The following MYO16 variants were observed in gnomAD, a reference collection of about 807,000 sequenced individuals.
The protein encoded by MYO16 is unconventional myosin-XVI.
Under a neutral mutation model 205.3 loss-of-function variants are expected in MYO16, and 94 were observed. The ratio of observed to expected loss-of-function variants is 0.46; its 90% CI spans 0.39 to 0.54. MYO16 has a LOEUF of 0.54. Among genes scored for constraint, MYO16 ranks in the 20% least tolerant of loss-of-function variants. MYO16 has a pLI of 0.00. For missense variants in MYO16, 2,315 were observed against 2,387.5 expected, an observed-to-expected ratio of 0.97 and a Z score of 0.63; for synonymous variants, 988 against 954.0, an observed-to-expected ratio of 1.04 and a Z score of -0.66.
At chr13:108,860,634 A>G (rs1186660081) in intron 11 of MYO16, among the ~76,000 whole-genome samples, 3 of 152,184 alleles carry the variant, frequency 2.0e-5, no homozygotes, top group Non-Finnish European at 4.4e-5. Flanking sequence ...ACAACAGTGT[A>G]CTGCTGCACA....
chr13:108,688,758 A>G (rs1429513535), intron 2 of MYO16, among the ~76,000 whole-genome samples: 3 of 152,194 alleles, frequency 2.0e-5, no homozygotes, highest in Non-Finnish European at 4.4e-5. Flanking sequence ...AGTTGTATAA[A>G]TTTATTAAAG....
intron 3 of MYO16, among the ~76,000 whole-genome samples, chr13:108,718,293 C>G (rs1884027220): frequency 6.6e-6 from 1 of 152,068 alleles, no homozygotes; most frequent in Non-Finnish European, 1.5e-5. Flanking sequence ...CCTGCCCACC[C>G]ACCTGGACAT....
In MYO16 at chr13:108,961,481, G is replaced by A. The variant is rs999701489; in HGVS notation, c.2038-58G>A. On this transcript the variant is annotated intron_variant, in intron 17 of 34. Coordinates refer to ENST00000457511, the MANE Select transcript of MYO16 (RefSeq NM_001198950.3). ...TTACTTTTAGATATTTAAAAATTTT[G>A]CCTTTTAATCTTTCTTCTAAGCACC... 5.8e-6 allele frequency: 8 copies of A among 1,370,370 alleles called. No homozygotes were observed. In the African/African-American group the frequency reaches 1.2e-4, roughly 20 times the overall value. 84.9% of individuals were successfully genotyped at this position (1,370,370 alleles called of 1,614,324 possible).
In MYO16 at chr13:108,795,444, G is replaced by A. The variant is rs138092182; in HGVS notation, c.741+1804G>A. 2.3e-3 allele frequency among the ~76,000 whole-genome samples: 346 copies of A among 152,144 alleles called. 1 individual carries two copies. Among genetic ancestry groups the A allele is most frequent in the African/African-American group, 7.8e-3 (325 of 41,534 alleles). ...AGGCTGGTCTCGATCTTCTGACCTC[G>A]TGATCCGCCCGCCTTGGCCTCCCAA... On this transcript the variant is annotated intron_variant, in intron 6 of 34. Transcript: ENST00000457511.
chr13:108,726,245 A>G (rs1403992619), intron 3 of MYO16, among the ~76,000 whole-genome samples: 1 of 152,232 alleles, frequency 6.6e-6, no homozygotes, highest in African/African-American at 2.4e-5. Context: ...AGCATTATGT[A>G]ACTTATAGAT....
At chr13:108,555,728 A>G in the MYO16 span, among the ~76,000 whole-genome samples, 38 of 152,144 alleles carry the variant, frequency 2.5e-4, no homozygotes, top group Admixed American at 2.0e-4. Context: ...GTTTTGACTG[A>G]CATCCTCCCA....
Position 108,663,366 on chromosome 13 carries a change from A to G in MYO16, c.29-2520A>G, listed in dbSNP as rs544241718. On this transcript the variant is annotated intron_variant, in intron 1 of 34. Coordinates refer to ENST00000457511, the MANE Select transcript of MYO16 (RefSeq NM_001198950.3). ...TTATATATCTTATCGATTCATAGAC[A>G]TATACGTACATGACACAGCTGACCC... Among the ~76,000 whole-genome samples the G allele has an allele frequency of 1.4e-3, 216 of 152,118 alleles. 1 individual carries two copies. Among genetic ancestry groups the G allele is most frequent in the Non-Finnish European group, 2.8e-3 (188 of 68,010 alleles).
chr13:108,752,523 G>A (rs113758438), intron 4 of MYO16, among the ~76,000 whole-genome samples: 1 of 152,176 alleles, frequency 6.6e-6, no homozygotes, highest in Non-Finnish European at 1.5e-5. Flanking sequence ...GAAATCCTAA[G>A]AGACATTTCA....
chr13:108,637,163 A>T (rs1275887391), intron 1 of MYO16, among the ~76,000 whole-genome samples: 1 of 152,198 alleles, frequency 6.6e-6, no homozygotes, highest in East Asian at 1.9e-4. Context: ...TTTGACTTTT[A>T]TACAGACTTC....
At chr13:108,545,099 T>C in the MYO16 span, among the ~76,000 whole-genome samples, 1 of 152,092 alleles carries the variant, frequency 6.6e-6, no homozygotes, top group African/African-American at 2.4e-5. Flanking sequence ...GATTATTTTG[T>C]CCCCCAGGTA....
At chr13:108,994,194 A>T (rs1884928996) in intron 21 of MYO16, among the ~76,000 whole-genome samples, 3 of 152,240 alleles carry the variant, frequency 2.0e-5, no homozygotes, top group Admixed American at 2.0e-4. Context: ...TATAATAGTA[A>T]TGGCATTTTT....
At chr13:108,721,944 G>A (rs2139572457) in intron 3 of MYO16, among the ~76,000 whole-genome samples, 1 of 152,226 alleles carries the variant, frequency 6.6e-6, no homozygotes, top group East Asian at 1.9e-4. Context: ...GTAATTCAGG[G>A]CAGGCATCAC....
the MYO16 span, among the ~76,000 whole-genome samples, chr13:108,546,641 C>G: frequency 6.6e-6 from 1 of 152,064 alleles, no homozygotes; most frequent in Non-Finnish European, 1.5e-5. Flanking sequence ...ATACTCACTA[C>G]AATAGCATTT....
chr13:109,079,512 G>A (rs1888217221), intron 27 of MYO16, among the ~76,000 whole-genome samples: 1 of 152,080 alleles, frequency 6.6e-6, no homozygotes, highest in Non-Finnish European at 1.5e-5. Flanking sequence ...ATTCATGCAG[G>A]AACAGAAAAC....
chr13:108,606,196 A>G (rs1878951913), intron 1 of MYO16, among the ~76,000 whole-genome samples: 3 of 152,156 alleles, frequency 2.0e-5, no homozygotes, highest in Admixed American at 1.3e-4. Flanking sequence ...AGAAAAATCA[A>G]TTTTCTGGAG....
At chr13:109,002,939 T>C (rs1885265695) in intron 21 of MYO16, among the ~76,000 whole-genome samples, 1 of 152,222 alleles carries the variant, frequency 6.6e-6, no homozygotes, top group Admixed American at 6.5e-5. Context: ...TTGAATGATA[T>C]GTTCCTATTG....
rs1594113947 is a variant in MYO16, at chr13:109,134,814, G to A, written c.4052-5450G>A. On this transcript the variant is annotated intron_variant, in intron 31 of 34. Coordinates refer to ENST00000457511, the MANE Select transcript of MYO16 (RefSeq NM_001198950.3). ...ACACCAAACCAGGTTTAGGAAAGGA[G>A]AAACAGATTCTACCTCTGGAAAGGA... 2.0e-5 allele frequency among the ~76,000 whole-genome samples: 3 copies of A among 152,284 alleles called. No individual in the cohort carries two copies. In the South Asian group the frequency reaches 6.2e-4, roughly 32 times the overall value.
At chr13:108,812,789 C>G (rs1488741549) in intron 7 of MYO16, among the ~76,000 whole-genome samples, 5 of 152,148 alleles carry the variant, frequency 3.3e-5, no homozygotes, top group Non-Finnish European at 2.9e-5. Context: ...ATTAATACGA[C>G]TATAAAAAGA....
intron 16 of MYO16, among the ~76,000 whole-genome samples, chr13:108,924,524 G>A (rs1881895390): frequency 6.6e-6 from 1 of 152,218 alleles, no homozygotes; most frequent in East Asian, 1.9e-4. Flanking sequence ...CATTATTCAA[G>A]TCAGGTACTT....
Sources: gnomAD v4.1 joint callset for allele counts (sites outside exome capture counted in the v4.1 genomes callset) on GRCh38, gnomAD v4.1.1 for gene constraint, MANE v1.5 for transcripts, NCBI Gene and HGNC (gene_info 2026-07-23, HGNC 2026-07-21) for gene names.